GJA5: variants seen among roughly 807,000 people sequenced by gnomAD.
GJA5 encodes the protein gap junction protein alpha 5, also known as gap junction alpha-5 protein.
GJA5 carries 3 observed loss-of-function variants against 7.9 expected under a neutral mutation model. The observed-to-expected ratio is 0.38, with a 90% CI of 0.17 to 0.99. The LOEUF (loss-of-function observed/expected upper bound fraction) is 0.99. GJA5 is among the 50% of genes least tolerant of loss of function. The pLI, the probability that GJA5 is intolerant of heterozygous loss-of-function variation, is 0.38. For missense variants in GJA5, 390 were observed against 457.9 expected, an observed-to-expected ratio of 0.85 and a Z score of 1.35; for synonymous variants, 193 against 181.0, an observed-to-expected ratio of 1.07 and a Z score of -0.53.
chr1:147,762,413 AT>A (rs1351483419), upstream of GJA5, among the ~76,000 whole-genome samples: 3 of 152,218 alleles, frequency 2.0e-5, no homozygotes, highest in African/African-American at 4.8e-5. Flanking sequence ...CAGGCAAAGA[AT>A]GTGACCCTTT....
intron 1 of GJA5, among the ~76,000 whole-genome samples, chr1:147,766,188 G>A (rs1242132224): frequency 6.6e-6 from 1 of 152,024 alleles, no homozygotes; most frequent in East Asian, 1.9e-4. Flanking sequence ...TCAACCCTGA[G>A]CTCTTTGAAG....
Position 147,758,823 on chromosome 1 carries a change from C to T in GJA5, c.416G>A (p.Gly139Glu). The T allele has an allele frequency of 1.9e-6, 3 of 1,614,230 alleles. No individual in the cohort carries two copies. Among genetic ancestry groups the T allele is most frequent in the East Asian group, 2.2e-5 (1 of 44,878 alleles). ...GCCCTGGAGGGCAATCCTTCCATTC[C>T]CTTCCTCCCAGCAGGACAGTTCTGC... ...EKAELSCWEE[G>E]NGRIALQGTL... Residue 139 changes from glycine to glutamate, a missense_variant, in exon 2 of 2, where the codon GGG becomes GAG. By Grantham distance (98) the Gly-to-Glu change is moderately conservative (BLOSUM62 -2). Coordinates refer to ENST00000579774, the MANE Select transcript of GJA5 (RefSeq NM_181703.4).
At position 147,758,149 on chromosome 1, in the gene GJA5, C is replaced by T. The variant is rs781911516; in HGVS notation, c.*13G>A. The T allele has an allele frequency of 1.1e-5, 17 of 1,563,134 alleles. No homozygotes were observed. The Admixed American group carries it at 2.5e-4, about 23-fold the overall frequency. ...TTGTTCCCACCTGGTCCTGATCCTC[C>T]CATAAAGGAGGGTCACACTGATAGG... On this transcript the variant is annotated 3_prime_UTR_variant, in exon 2 of 2. Transcript: ENST00000579774.
chr1:147,758,342 C>T lies in GJA5; in HGVS notation c.897G>A (p.Glu299=). 1 of 1,614,142 alleles carries T rather than the reference C, an allele frequency of 6.2e-7. No individual in the cohort carries two copies. Among genetic ancestry groups the T allele is most frequent in the Non-Finnish European group, 8.5e-7 (1 of 1,180,012 alleles). The change falls in exon 2 of 2, where the codon GAG becomes GAA. Residue 299 remains glutamate (E), a synonymous_variant. Coordinates refer to ENST00000579774, the MANE Select transcript of GJA5 (RefSeq NM_181703.4). ...SQQNTDNLVT[E]QVRGQEQTPG... is the part of the protein sequence containing the mutation. ...GAGTCTGCTCCTGACCTCGTACTTG[C>T]TCGGTGACCAGGTTGTCTGTGTTTT...
intron 1 of GJA5, among the ~76,000 whole-genome samples, chr1:147,772,581 C>T (rs1250454810): frequency 6.6e-6 from 1 of 152,132 alleles, no homozygotes. Context: ...TCTTTCTACC[C>T]CATGGCCTCC....
intron 1 of GJA5, among the ~76,000 whole-genome samples, chr1:147,769,607 G>C (rs1400917809): frequency 6.6e-6 from 1 of 152,162 alleles, no homozygotes; most frequent in African/African-American, 2.4e-5. Context: ...TAGCCAACTT[G>C]ATGCAGAATC....
At position 147,758,238 on chromosome 1, in the gene GJA5, G is replaced by A. The variant is rs1557942383; in HGVS notation, c.1001C>T (p.Pro334Leu). The A allele has an allele frequency of 6.2e-7, 1 of 1,614,128 alleles. No homozygotes were observed. Among genetic ancestry groups the A allele is most frequent in the Non-Finnish European group, 8.5e-7 (1 of 1,180,010 alleles). Residue 334 changes from proline to leucine, a missense_variant, in exon 2 of 2, where the codon CCC becomes CTC. This residue lies in a region of GJA5 where 354 missense variants were observed against 370.9 expected (regional missense o/e 0.95). Coordinates refer to ENST00000579774, the MANE Select transcript of GJA5 (RefSeq NM_181703.4). ...TCGCTTGTCACTATGATAGCCATGGGGAAGGCGGTGACCTGGTGAGACTCC... is the reference window on the plus strand; with the variant it reads ...TCGCTTGTCACTATGATAGCCATGGAGAAGGCGGTGACCTGGTGAGACTCC... ...PNGVSPGHRL[P>L]HGYHSDKRRL...
upstream of GJA5, among the ~76,000 whole-genome samples, chr1:147,762,969 T>C (rs1553227615): frequency 6.6e-6 from 1 of 152,252 alleles, no homozygotes; most frequent in African/African-American, 2.4e-5. Context: ...TTTACCTCAC[T>C]GCTTTAGCAG....
upstream of GJA5, among the ~76,000 whole-genome samples, chr1:147,765,445 C>T (rs145233168): frequency 1.1e-3 from 170 of 152,306 alleles, no homozygotes; most frequent in African/African-American, 4.0e-3. Flanking sequence ...CTCATCAATT[C>T]TTAGACCTTC....
intron 1 of GJA5, among the ~76,000 whole-genome samples, chr1:147,771,242 G>A (rs1159008623): frequency 1.3e-5 from 2 of 152,090 alleles, no homozygotes; most frequent in African/African-American, 4.8e-5. Context: ...AGAGCAGGTG[G>A]GCAGGTGGGA....
upstream of GJA5, among the ~76,000 whole-genome samples, chr1:147,763,688 G>A (rs1664098077): frequency 6.6e-6 from 1 of 152,204 alleles, no homozygotes; most frequent in African/African-American, 2.4e-5. Context: ...TAGATAAGAG[G>A]AAGAGGGCCA....
At chr1:147,764,839 A>G (rs75104305), upstream of GJA5, among the ~76,000 whole-genome samples, 121 of 150,960 alleles carry the variant, frequency 8.0e-4, no homozygotes, top group Non-Finnish European at 1.4e-3. Flanking sequence ...AAAAAAAAAA[A>G]AAAATTAATA....
chr1:147,760,698 A>C (rs1001508745), upstream of GJA5: 3 of 152,254 alleles, frequency 2.0e-5, 1 homozygote, highest in African/African-American at 7.2e-5. Context: ...TAGAAAACCA[A>C]TTCCCTGTTT....
At chr1:147,766,339 G>A (rs1017237709) in intron 1 of GJA5, among the ~76,000 whole-genome samples, 12 of 152,226 alleles carry the variant, frequency 7.9e-5, no homozygotes, top group African/African-American at 2.9e-4. Flanking sequence ...TAGCATTTAG[G>A]TCTCTCAAAA....
In GJA5 at chr1:147,758,243, G is replaced by C. The variant is rs139509593; in HGVS notation, c.996C>G (p.Arg332=). 1.9e-6 allele frequency: 3 copies of C among 1,614,050 alleles called. No individual in the cohort carries two copies. In the African/African-American group the frequency reaches 4.0e-5, roughly 22 times the overall value. ...TGTCACTATGATAGCCATGGGGAAG[G>C]CGGTGACCTGGTGAGACTCCATTGG... is the stretch of plus-strand genomic sequence containing the variant. ...EVPNGVSPGH[R]LPHGYHSDKR... The change falls in exon 2 of 2, where the codon CGC becomes CGG. Residue 332 remains arginine (R), a synonymous_variant. Transcript: ENST00000579774.
At chr1:147,768,714 C>T (rs1436616272) in intron 1 of GJA5, among the ~76,000 whole-genome samples, 1 of 152,126 alleles carries the variant, frequency 6.6e-6, no homozygotes, top group Admixed American at 6.5e-5. Flanking sequence ...ATGTGTGAAG[C>T]CCTTTATAAC....
At chr1:147,773,297 C>T (rs1664484722) in exon 1 of GJA5, 1 of 152,338 alleles carries the variant, frequency 6.6e-6, no homozygotes, top group Non-Finnish European at 1.5e-5. Flanking sequence ...TGGGCTTCTT[C>T]ACACTCTGGC....
upstream of GJA5, among the ~76,000 whole-genome samples, chr1:147,762,825 C>T (rs1435289543): frequency 3.3e-5 from 5 of 152,220 alleles, no homozygotes; most frequent in Non-Finnish European, 2.9e-5. Flanking sequence ...AGATTAGATA[C>T]TCAGTGAGTT....
In GJA5 at chr1:147,759,272, C is replaced by T; in HGVS notation, c.-33-1G>A. On this transcript the variant is annotated splice_acceptor_variant, in intron 1 of 1. Transcript: ENST00000579774. LOFTEE classifies it low-confidence loss of function (5UTR_SPLICE). ...AGCCAGGGAACAGATGCCAAAACTT[C>T]TGCAAATGGGAGAGAGAGAAAGAGA... 1 of 1,329,638 alleles carries T rather than the reference C, an allele frequency of 7.5e-7. No homozygotes were observed. Among genetic ancestry groups the T allele is most frequent in the Non-Finnish European group, 1.1e-6 (1 of 921,854 alleles). The allele number at this position is 1,329,638 out of a possible 1,614,324, so 82.4% of individuals were successfully genotyped here.
Sources: gnomAD v4.1 joint callset for allele counts (sites outside exome capture counted in the v4.1 genomes callset) on GRCh38, gnomAD v4.1.1 for gene constraint, gnomAD v4.1.1 regional missense constraint, MANE v1.5 for transcripts, NCBI Gene and HGNC (gene_info 2026-07-23, HGNC 2026-07-21) for gene names.